Variants in TRAPPC9 observed in about 807,000 individuals in gnomAD.
TRAPPC9 encodes trafficking protein particle complex subunit 9, also known as IKK2 binding protein.
Under a neutral mutation model 124.0 loss-of-function variants are expected in TRAPPC9, and 83 were observed. The ratio of observed to expected loss-of-function variants is 0.67; its 90% confidence interval spans 0.56 to 0.80. TRAPPC9 has a LOEUF of 0.80. TRAPPC9 is among the 30% of genes least tolerant of loss of function. The pLI, the probability that TRAPPC9 is intolerant of heterozygous loss-of-function variation, is 0.00. For missense variants in TRAPPC9, 1,302 were observed against 1,508.3 expected (o/e 0.86, Z 2.27); for synonymous variants, 638 against 617.5 (o/e 1.03, Z -0.49).
At chr8:140,258,343 C>G (rs2064319659) in intron 15 of TRAPPC9, among the ~76,000 whole-genome samples, 1 of 152,278 alleles carries the variant, frequency 6.6e-6, no homozygotes, top group Admixed American at 6.5e-5. Context: ...TCACTCAAAA[C>G]TCCTCACACA....
intron 5 of TRAPPC9, among the ~76,000 whole-genome samples, chr8:140,409,558 C>A (rs2069617491): frequency 6.6e-6 from 1 of 152,156 alleles, no homozygotes; most frequent in African/African-American, 2.4e-5. Flanking sequence ...AATCAAACAT[C>A]CACATGCAGA....
chr8:140,184,688 T>C lies in TRAPPC9; in HGVS notation c.2556+36771A>G, dbSNP rs571973848. Among the ~76,000 whole-genome samples, 4 of 152,338 alleles carry C rather than the reference T, an allele frequency of 2.6e-5. No homozygotes were observed. In the South Asian group the frequency reaches 8.3e-4, roughly 32 times the overall value. ...GGCCTCGACCTCCTGACCTCAGTTA[T>C]CCACCTGCCTTGGCCTCCCAAAGTG... is the stretch of plus-strand genomic sequence containing the variant. On this transcript the variant is annotated intron_variant, in intron 17 of 22. Transcript: ENST00000438773.
chr8:139,862,421 G>A (rs1409164770), intron 21 of TRAPPC9, among the ~76,000 whole-genome samples: 1 of 152,250 alleles, frequency 6.6e-6, no homozygotes, highest in African/African-American at 2.4e-5. Flanking sequence ...CAGTGACGGA[G>A]CACCAGCCTT....
intron 19 of TRAPPC9, among the ~76,000 whole-genome samples, chr8:139,930,612 C>T (rs899659586): frequency 1.3e-5 from 2 of 152,220 alleles, no homozygotes; most frequent in African/African-American, 2.4e-5. Flanking sequence ...CATCTTGATC[C>T]TTCTAGACCC....
chr8:140,125,497 G>A (rs569165268), intron 17 of TRAPPC9, among the ~76,000 whole-genome samples: 26 of 152,148 alleles, frequency 1.7e-4, no homozygotes, highest in Admixed American at 5.2e-4. Flanking sequence ...GTGTCTGTCC[G>A]GGAATGGCAG....
intron 8 of TRAPPC9, 132 bp downstream of exon 8, chr8:140,370,832 A>G: frequency 1.0e-6 from 1 of 979,554 alleles, no homozygotes; most frequent in East Asian, 2.5e-5. Flanking sequence ...ACCCAACTCC[A>G]GGGCAGGGAT....
chr8:139,815,440 T>G (rs925606070), intron 21 of TRAPPC9, among the ~76,000 whole-genome samples: 23 of 150,812 alleles, frequency 1.5e-4, no homozygotes, highest in Non-Finnish European at 1.2e-4. Context: ...CAGGCTGGAG[T>G]GCAGTGGTGT....
intron 18 of TRAPPC9, among the ~76,000 whole-genome samples, chr8:140,012,660 C>T (rs1213921665): frequency 6.6e-6 from 1 of 152,182 alleles, no homozygotes; most frequent in Non-Finnish European, 1.5e-5. Context: ...CAGGCCGAGG[C>T]CCCCCAGTGA....
chr8:139,947,760 C>A, intron 19 of TRAPPC9, among the ~76,000 whole-genome samples: 1 of 149,688 alleles, frequency 6.7e-6, no homozygotes. Flanking sequence ...CCCAGCTACT[C>A]AGGAGGCTGA....
At chr8:140,129,264 G>T (rs2061158127) in intron 17 of TRAPPC9, among the ~76,000 whole-genome samples, 1 of 152,090 alleles carries the variant, frequency 6.6e-6, no homozygotes, top group South Asian at 2.1e-4. Flanking sequence ...GGCTGGCTCG[G>T]GTGTGTCTGG....
chr8:139,863,751 A>G (rs1164722498), intron 21 of TRAPPC9, among the ~76,000 whole-genome samples: 2 of 152,214 alleles, frequency 1.3e-5, no homozygotes, highest in East Asian at 3.9e-4. Context: ...AACCCCGAAC[A>G]TCACCCCACT....
intron 21 of TRAPPC9, among the ~76,000 whole-genome samples, chr8:139,746,129 C>T (rs564913061): frequency 6.6e-6 from 1 of 152,348 alleles, no homozygotes; most frequent in South Asian, 2.1e-4. Context: ...CTCCTGCAAT[C>T]GCCGCCGGTG....
chr8:139,877,775 G>C (rs1257598685), intron 21 of TRAPPC9, among the ~76,000 whole-genome samples: 1 of 152,136 alleles, frequency 6.6e-6, no homozygotes. Flanking sequence ...CTCTCTGCTG[G>C]GCTCCTGGGG....
intron 6 of TRAPPC9, among the ~76,000 whole-genome samples, chr8:140,404,662 G>C (rs1448490538): frequency 3.3e-5 from 5 of 152,240 alleles, no homozygotes; most frequent in Non-Finnish European, 5.9e-5. Context: ...TAAATAAGAT[G>C]TGCGCGTGTA....
intron 17 of TRAPPC9, among the ~76,000 whole-genome samples, chr8:140,131,740 C>G (rs2061212713): frequency 1.3e-5 from 2 of 152,240 alleles, no homozygotes; most frequent in African/African-American, 4.8e-5. Context: ...TGGTGGTCCT[C>G]TCCATCCAGA....
intron 21 of TRAPPC9, among the ~76,000 whole-genome samples, chr8:139,822,804 C>T (rs1219026139): frequency 6.6e-6 from 1 of 152,214 alleles, no homozygotes; most frequent in African/African-American, 2.4e-5. Context: ...AAGCCTTGTT[C>T]CTGCCTGCCA....
chr8:140,301,706 C>A (rs565709197), intron 10 of TRAPPC9, among the ~76,000 whole-genome samples: 1 of 152,194 alleles, frequency 6.6e-6, no homozygotes, highest in Non-Finnish European at 1.5e-5. Flanking sequence ...TCCCGGCCTC[C>A]GCAGGAAGGT....
chr8:139,743,140 TAA>T (rs1410751544), intron 21 of TRAPPC9, among the ~76,000 whole-genome samples: 1 of 152,194 alleles, frequency 6.6e-6, no homozygotes, highest in Non-Finnish European at 1.5e-5. Context: ...GAGTCCTGTG[TAA>T]ATTACAGTGA....
chr8:140,149,411 G>A (rs546470379), intron 17 of TRAPPC9, among the ~76,000 whole-genome samples: 1 of 152,254 alleles, frequency 6.6e-6, no homozygotes, highest in African/African-American at 2.4e-5. Context: ...CTTGAGCTCG[G>A]GAGTTCGAGA....
Sources: gnomAD v4.1 joint callset for allele counts (sites outside exome capture counted in the v4.1 genomes callset) on GRCh38, gnomAD v4.1.1 for gene constraint, MANE v1.5 for transcripts, NCBI Gene and HGNC (gene_info 2026-07-23, HGNC 2026-07-21) for gene names.